BAHD1: variants seen among roughly 807,000 people sequenced by gnomAD.
BAHD1 encodes bromo adjacent homology domain-containing 1 protein.
In BAHD1, 20 loss-of-function variants were observed where a neutral mutation model predicts 63.1. The ratio of observed to expected loss-of-function variants is 0.32; its 90% CI spans 0.22 to 0.46. BAHD1 has a LOEUF of 0.46. BAHD1 is among the 20% of genes least tolerant of loss of function. The pLI, the probability that BAHD1 is intolerant of heterozygous loss-of-function variation, is 1.00. For synonymous variants in BAHD1, 408 were observed against 426.8 expected (o/e 0.96, Z 0.54); for missense variants, 939 against 1,071.8 (o/e 0.88, Z 1.73).
chr15:40,459,461 G>A lies in BAHD1; in HGVS notation c.997G>A (p.Glu333Lys). The change falls in exon 2 of 7, where the codon GAG (glutamate) becomes AAG (lysine). Residue 333 changes from glutamate to lysine, a missense_variant. Glu to Lys is a moderately conservative substitution (Grantham distance 56). Transcript: ENST00000416165. ...ALKPEPGRPG[E>K]ESPAPKQELH... ...GAAGCCGGAGCCTGGGCGCCCAGGC[G>A]AGGAGTCACCTGCCCCTAAGCAGGA... The A allele has an allele frequency of 6.2e-7, 1 of 1,613,646 alleles. No individual in the cohort carries two copies. Among genetic ancestry groups the A allele is most frequent in the Non-Finnish European group, 8.5e-7 (1 of 1,179,996 alleles).
At chr15:40,439,488 G>A (rs530271804), upstream of BAHD1, among the ~76,000 whole-genome samples, 3 of 152,286 alleles carry the variant, frequency 2.0e-5, no homozygotes, top group East Asian at 5.8e-4. Flanking sequence ...GAGCCCCTCC[G>A]AAGCCCCTGG....
intron 1 of BAHD1, among the ~76,000 whole-genome samples, chr15:40,452,909 T>C (rs367736993): frequency 1.8e-4 from 27 of 151,462 alleles, no homozygotes; most frequent in African/African-American, 6.6e-4. Flanking sequence ...GGAAAAGGAG[T>C]GTCATCATCA....
intron 1 of BAHD1, among the ~76,000 whole-genome samples, chr15:40,457,344 TG>T (rs1555409349): frequency 7.1e-6 from 1 of 139,874 alleles, no homozygotes; most frequent in Admixed American, 7.3e-5. Flanking sequence ...CCCTGGGTAC[TG>T]GCACCCTTTG....
intron 3 of BAHD1, among the ~76,000 whole-genome samples, chr15:40,462,697 G>A (rs1001211251): frequency 2.6e-5 from 4 of 152,112 alleles, no homozygotes; most frequent in East Asian, 1.9e-4. Context: ...AGAACATCTC[G>A]GATGATGAAA....
chr15:40,462,991 CAAAA>C (rs1019632209), intron 3 of BAHD1, among the ~76,000 whole-genome samples: 3 of 151,338 alleles, frequency 2.0e-5, no homozygotes, highest in African/African-American at 4.9e-5. Context: ...TAATTAAAAA[CAAAA>C]AGAATATTAA....
At chr15:40,445,256 T>A (rs1445638920) in intron 1 of BAHD1, among the ~76,000 whole-genome samples, 29 of 113,670 alleles carry the variant, frequency 2.6e-4, no homozygotes, top group South Asian at 3.0e-4. Context: ...TCCTTTTGGG[T>A]AAAAAAAAAA....
rs568035218 is a variant in BAHD1 at position 40,457,443 on chromosome 15, C to T, written c.-14-1008C>T. Among the ~76,000 whole-genome samples, 43 of 152,312 alleles carry T rather than the reference C, an allele frequency of 2.8e-4. 1 individual carries two copies. Among genetic ancestry groups the T allele is most frequent in the African/African-American group, 1.0e-3 (42 of 41,568 alleles). ...AAAGCTGAGACCTCTCCACCATGGG[C>T]CCCTCAAAGCTGAGACCTCTCCACC... On this transcript the variant is annotated intron_variant, in intron 1 of 6. Coordinates refer to ENST00000416165, the MANE Select transcript of BAHD1 (RefSeq NM_014952.5).
Position 40,459,144 on chromosome 15 carries a change from G to A in BAHD1, c.680G>A (p.Arg227His), listed in dbSNP as rs753830043. The change falls in exon 2 of 7, where the codon CGT (arginine) becomes CAT (histidine). Residue 227 changes from arginine (R) to histidine (H), a missense_variant. Around this residue, in one of 5 missense-constraint regions of BAHD1, gnomAD observed 797 missense variants for 813.3 expected, o/e 0.98. Transcript: ENST00000416165. Reference protein sequence around the residue: ...QERELPLRLPRAHAEVDGRST... With the variant: ...QERELPLRLPHAHAEVDGRST... ...CGGGAGCTACCCCTGCGGCTGCCTCGTGCCCATGCAGAAGTAGATGGGCGC... is the reference window on the plus strand; with the variant it reads ...CGGGAGCTACCCCTGCGGCTGCCTCATGCCCATGCAGAAGTAGATGGGCGC... 22 of 1,612,958 alleles carry A rather than the reference G, an allele frequency of 1.4e-5. No individual in the cohort carries two copies. In the East Asian group the frequency reaches 2.2e-4, roughly 16 times the overall value.
chr15:40,458,406 C>A lies in BAHD1; in HGVS notation c.-14-45C>A. On this transcript the variant is annotated intron_variant, in intron 1 of 6. Coordinates refer to ENST00000416165, the MANE Select transcript of BAHD1 (RefSeq NM_014952.5). The surrounding 1 kb of genome is among the most constrained non-coding windows in gnomAD (Gnocchi z 4.7). Reference sequence around the variant, plus strand: ...CAGTGGGAGAGAAAGCAGGCAGGAGCAGGCCAGAGAGGGCTTCTCTCATTG... The same window carrying A: ...CAGTGGGAGAGAAAGCAGGCAGGAGAAGGCCAGAGAGGGCTTCTCTCATTG... 6.6e-7 allele frequency: 1 copy of A among 1,516,058 alleles called. No homozygotes were observed. The allele number at this position is 1,516,058 out of a possible 1,614,324, so 93.9% of individuals were successfully genotyped here. A position where few individuals can be genotyped will look rare whatever the true frequency, so the allele number is the denominator to read the frequency against.
intron 1 of BAHD1, among the ~76,000 whole-genome samples, chr15:40,452,003 T>A (rs569979295): frequency 6.6e-5 from 10 of 152,344 alleles, no homozygotes; most frequent in African/African-American, 2.2e-4. Context: ...CTGCCCACTC[T>A]CCTCACTCAG....
intron 1 of BAHD1, among the ~76,000 whole-genome samples, chr15:40,456,888 T>C (rs770237694): frequency 4.6e-5 from 7 of 152,178 alleles, no homozygotes; most frequent in Non-Finnish European, 8.8e-5. Flanking sequence ...CCCTGTGCTT[T>C]GGGTTGAATG....
At chr15:40,457,949 C>T (rs1893897285) in intron 1 of BAHD1, among the ~76,000 whole-genome samples, 1 of 152,094 alleles carries the variant, frequency 6.6e-6, no homozygotes, top group East Asian at 1.9e-4. Context: ...GGAGGCGGAG[C>T]TTGCAGTGAG....
rs1314911940 is a variant in BAHD1 at position 40,458,494 on chromosome 15, C to G, written c.30C>G (p.Pro10=). ...CACACACTCGGAGAAAGTCCCTTCC[C>G]ATGCTGAGTTCGGGCCTCACTGGCC... The part of the protein sequence containing the change: MTHTRRKSL[P]MLSSGLTGRR... The change falls in exon 2 of 7, where the codon CCC becomes CCG. Residue 10 remains proline (P), a synonymous_variant. Transcript: ENST00000416165. This position sits in a 1 kb window ranked among gnomAD's most constrained non-coding sequence, Gnocchi z 4.7. 7.5e-6 allele frequency: 12 copies of G among 1,603,152 alleles called. No individual in the cohort carries two copies. The highest frequency in any genetic ancestry group is 1.0e-5 in the Non-Finnish European group (12 of 1,173,968).
At chr15:40,441,369 G>C (rs1893395908) in intron 1 of BAHD1, 101 bp downstream of exon 1, 1 of 150,234 alleles carries the variant, frequency 6.7e-6, no homozygotes, top group Non-Finnish European at 1.5e-5. Context: ...CCGGCCGCCC[G>C]TCAGCGCGCC....
rs780371798 is a variant in BAHD1, at chr15:40,462,034, C to G, written c.1555C>G (p.Pro519Ala). The G allele has an allele frequency of 5.0e-6, 8 of 1,613,962 alleles. No homozygotes were observed. Among genetic ancestry groups the G allele is most frequent in the Non-Finnish European group, 6.8e-6 (8 of 1,180,038 alleles). Reference protein sequence around the residue: ...PSVPPAAEPVPHLQTPTSEPQ... With the variant: ...PSVPPAAEPVAHLQTPTSEPQ... ...TGTGCCACCTGCAGCAGAGCCCGTCCCCCATCTTCAGACACCCACCTCGGA... is the reference window on the plus strand; with the variant it reads ...TGTGCCACCTGCAGCAGAGCCCGTCGCCCATCTTCAGACACCCACCTCGGA... The change falls in exon 3 of 7, where the codon CCC becomes GCC. Residue 519 changes from proline to alanine, a missense_variant. This residue lies in a region of BAHD1 where 797 missense variants were observed against 813.3 expected (regional missense o/e 0.98). Transcript: ENST00000416165.
chr15:40,460,030 T>A, intron 2 of BAHD1, 134 bp downstream of exon 2: 1 of 1,148,116 alleles, frequency 8.7e-7, no homozygotes, highest in Non-Finnish European at 1.2e-6. Context: ...CTTTCAGAAG[T>A]GAGAACTCCC....
chr15:40,465,237 C>T, intron 5 of BAHD1, 98 bp from the exon 6 acceptor site: 1 of 1,046,074 alleles, frequency 9.6e-7, no homozygotes, highest in Non-Finnish European at 1.5e-6. Context: ...GGAGTCATCT[C>T]AGGTCAGCAG....
rs926272818 is a variant in BAHD1 at position 40,441,026 on chromosome 15, C to T, written c.-257C>T. Among the ~76,000 whole-genome samples, 54 of 147,364 alleles carry T rather than the reference C, an allele frequency of 3.7e-4. No homozygotes were observed. The highest frequency in any genetic ancestry group is 1.3e-3 in the African/African-American group (53 of 40,962). On this transcript the variant is annotated 5_prime_UTR_variant, in exon 1 of 7. Coordinates refer to ENST00000416165, the MANE Select transcript of BAHD1 (RefSeq NM_014952.5). ...CCCCGCCGCCCGCCCGTCCGGCTGC[C>T]TGCCCCGCCCGTCCGGCCCCCGCCG...
upstream of BAHD1, chr15:40,439,798 GAC>G: frequency 6.6e-6 from 1 of 152,454 alleles, no homozygotes; most frequent in East Asian, 1.9e-4. Context: ...AGGTGCCCAA[GAC>G]ACAGCTCCTT....
Sources: allele counts gnomAD v4.1 joint callset (sites outside exome capture counted in the v4.1 genomes callset), GRCh38; gene constraint gnomAD v4.1.1; regional missense constraint gnomAD v4.1.1; non-coding constraint Gnocchi (gnomAD v3.1); transcripts MANE v1.5; gene names NCBI Gene and HGNC (gene_info 2026-07-23, HGNC 2026-07-21).